Variants in HSD17B12 observed in about 807,000 individuals in gnomAD.
HSD17B12 encodes hydroxysteroid 17-beta dehydrogenase 12, also known as very-long-chain 3-oxoacyl-CoA reductase.
HSD17B12 carries 32 observed loss-of-function variants against 39.3 expected under a neutral mutation model. The ratio of observed to expected loss-of-function variants is 0.81; its 90% confidence interval spans 0.61 to 1.09. The LOEUF (loss-of-function observed/expected upper bound fraction) is 1.09. Ranked by LOEUF, HSD17B12 falls within the 50% of genes least tolerant of loss-of-function variation. The pLI is 0.00. For synonymous variants in HSD17B12, 150 were observed against 146.7 expected, an observed-to-expected ratio of 1.02 and a Z score of -0.16; for missense variants, 342 against 382.9, an observed-to-expected ratio of 0.89 and a Z score of 0.89.
chr11:43,589,505 T>A, the HSD17B12 span, among the ~76,000 whole-genome samples: 1 of 152,212 alleles, frequency 6.6e-6, no homozygotes, highest in African/African-American at 2.4e-5. Flanking sequence ...TTGTTTATTA[T>A]TTATTTATTT....
chr11:43,842,343 A>T (rs1404592512), intron 9 of HSD17B12, among the ~76,000 whole-genome samples: 1 of 152,172 alleles, frequency 6.6e-6, no homozygotes, highest in African/African-American at 2.4e-5. Flanking sequence ...CTGTTTCCTC[A>T]TCTTCCAGGA....
At chr11:43,663,570 G>GT in the HSD17B12 span, among the ~76,000 whole-genome samples, 4 of 152,150 alleles carry the variant, frequency 2.6e-5, no homozygotes, top group African/African-American at 7.2e-5. Flanking sequence ...TTTTTTGAAA[G>GT]TAAGGCAGAC....
intron 3 of HSD17B12, among the ~76,000 whole-genome samples, chr11:43,786,045 A>G (rs1950813039): frequency 6.6e-6 from 1 of 152,346 alleles, no homozygotes; most frequent in Non-Finnish European, 1.5e-5. Flanking sequence ...CATGGACAAC[A>G]AATACTGTTG....
At chr11:43,749,827 GT>G (rs1950448675) in intron 1 of HSD17B12, among the ~76,000 whole-genome samples, 1 of 151,966 alleles carries the variant, frequency 6.6e-6, no homozygotes, top group Non-Finnish European at 1.5e-5. Flanking sequence ...ACCATAACTT[GT>G]TTTTCAAAGT....
intron 6 of HSD17B12, among the ~76,000 whole-genome samples, chr11:43,824,989 G>A (rs1951219538): frequency 6.6e-6 from 1 of 152,152 alleles, no homozygotes; most frequent in African/African-American, 2.4e-5. Flanking sequence ...AAATTAGCCA[G>A]GCATGGTGGC....
chr11:43,688,447 G>C (rs1357478561), intron 1 of HSD17B12, among the ~76,000 whole-genome samples: 1 of 152,092 alleles, frequency 6.6e-6, no homozygotes, highest in East Asian at 1.9e-4. Context: ...ACCATGGTGT[G>C]GTAGTTGAGA....
At chr11:43,815,745 A>G (rs1951116525) in intron 5 of HSD17B12, among the ~76,000 whole-genome samples, 1 of 152,214 alleles carries the variant, frequency 6.6e-6, no homozygotes, top group Non-Finnish European at 1.5e-5. Flanking sequence ...CCTCACTTAT[A>G]CAGTGCCAGA....
intron 3 of HSD17B12, among the ~76,000 whole-genome samples, chr11:43,778,767 C>T (rs1041889666): frequency 1.3e-5 from 2 of 151,918 alleles, no homozygotes. Flanking sequence ...CAGAAAAGGC[C>T]TTTGACAAAA....
At chr11:43,682,627 C>G (rs1949760396) in intron 1 of HSD17B12, among the ~76,000 whole-genome samples, 1 of 151,496 alleles carries the variant, frequency 6.6e-6, no homozygotes, top group Non-Finnish European at 1.5e-5. Flanking sequence ...TTGACTTGCC[C>G]ACATTCTTCA....
At chr11:43,632,033 T>A in the HSD17B12 span, among the ~76,000 whole-genome samples, 14 of 152,114 alleles carry the variant, frequency 9.2e-5, no homozygotes, top group African/African-American at 2.7e-4. Flanking sequence ...GAGGGGTAAA[T>A]GGTCCGAAAC....
chr11:43,689,160 G>T (rs559887933), intron 1 of HSD17B12, among the ~76,000 whole-genome samples: 1 of 152,278 alleles, frequency 6.6e-6, no homozygotes, highest in Non-Finnish European at 1.5e-5. Flanking sequence ...TCTAAGATAG[G>T]AAGGACTTCA....
chr11:43,569,073 T>C, the HSD17B12 span, among the ~76,000 whole-genome samples: 1 of 152,188 alleles, frequency 6.6e-6, no homozygotes, highest in South Asian at 2.1e-4. Flanking sequence ...AATCAAAGCA[T>C]TTTCACATTG....
At chr11:43,830,040 G>C (rs1951292315) in intron 6 of HSD17B12, 1 of 152,056 alleles carries the variant, frequency 6.6e-6, no homozygotes, top group African/African-American at 2.4e-5. Context: ...GTTAAATCTG[G>C]CTGGCATTTT....
intron 1 of HSD17B12, among the ~76,000 whole-genome samples, chr11:43,704,257 AAGTTGATGT>A (rs1161437150): frequency 7.2e-5 from 11 of 152,238 alleles, no homozygotes; most frequent in African/African-American, 2.7e-4. Context: ...TTAGAGGCAT[AAGTTGATGT>A]AGTTGATGTA....
At chr11:43,654,998 T>A in the HSD17B12 span, among the ~76,000 whole-genome samples, 1 of 152,218 alleles carries the variant, frequency 6.6e-6, no homozygotes, top group Non-Finnish European at 1.5e-5. Flanking sequence ...CCTTGGGCAG[T>A]ATGGCCATTT....
At chr11:43,819,299 T>A (rs1951159324) in intron 6 of HSD17B12, among the ~76,000 whole-genome samples, 1 of 152,170 alleles carries the variant, frequency 6.6e-6, no homozygotes, top group South Asian at 2.1e-4. Flanking sequence ...TCCATGAACA[T>A]GCCATCCCTT....
chr11:43,729,058 G>GT (rs1412110679), intron 1 of HSD17B12, among the ~76,000 whole-genome samples: 1 of 152,000 alleles, frequency 6.6e-6, no homozygotes. Context: ...TTCAATGTTG[G>GT]TATTGTAAAC....
intron 6 of HSD17B12, among the ~76,000 whole-genome samples, chr11:43,826,746 G>A (rs1951245717): frequency 6.6e-6 from 1 of 152,106 alleles, no homozygotes; most frequent in African/African-American, 2.4e-5. Context: ...CTATACAGGT[G>A]AGATTCTAAG....
In HSD17B12 at chr11:43,690,385, TATATATATA is replaced by T. The variant is rs1428184266; in HGVS notation, c.160+9399_160+9407del. Among the ~76,000 whole-genome samples the T allele has an allele frequency of 6.9e-3, 105 of 15,110 alleles. 7 individuals are homozygous for T. Among genetic ancestry groups the T allele is most frequent in the African/African-American group, 0.019 (85 of 4,390 alleles). 9.9% of individuals were successfully genotyped at this position (15,110 alleles called of 152,430 possible). On this transcript the variant is annotated intron_variant, in intron 1 of 10. Coordinates refer to ENST00000278353, the MANE Select transcript of HSD17B12 (RefSeq NM_016142.3). ...ACATATATATATATATATATATATA[TATATATATA>T]TATATATATATTTTTTTTTTTTTTT...
Sources: allele counts gnomAD v4.1 joint callset (sites outside exome capture counted in the v4.1 genomes callset), GRCh38; gene constraint gnomAD v4.1.1; transcripts MANE v1.5; gene names NCBI Gene and HGNC (gene_info 2026-07-23, HGNC 2026-07-21).